Variants in TLE3 observed in about 807,000 individuals in gnomAD.
The protein encoded by TLE3 is TLE family member 3, transcriptional corepressor, also known as transducin-like enhancer protein 3.
Under a neutral mutation model 93.0 loss-of-function variants are expected in TLE3, and 14 were observed. The ratio of observed to expected loss-of-function variants is 0.15; its 90% confidence interval spans 0.10 to 0.24. The LOEUF (loss-of-function observed/expected upper bound fraction) is 0.24. Ranked by LOEUF, TLE3 falls within the 10% of genes least tolerant of loss-of-function variation. The pLI, the probability that TLE3 is intolerant of heterozygous loss-of-function variation, is 1.00. For missense variants in TLE3, 693 were observed against 1,046.6 expected (o/e 0.66, Z 4.66); for synonymous variants, 451 against 425.0 (o/e 1.06, Z -0.75).
At chr15:70,067,614 T>C (rs564427792) in intron 6 of TLE3, among the ~76,000 whole-genome samples, 1 of 152,160 alleles carries the variant, frequency 6.6e-6, no homozygotes, top group South Asian at 2.1e-4. Context: ...CGCCTGTCAA[T>C]ATGAGATGGT....
At chr15:70,094,220 C>T (rs1262199165) in intron 4 of TLE3, among the ~76,000 whole-genome samples, 2 of 151,932 alleles carry the variant, frequency 1.3e-5, no homozygotes, top group Admixed American at 6.6e-5. Flanking sequence ...AGCAGCCAGC[C>T]ACCTCTGGGC....
At chr15:70,060,172 T>C (rs1380618540) in intron 9 of TLE3, among the ~76,000 whole-genome samples, 4 of 152,170 alleles carry the variant, frequency 2.6e-5, no homozygotes, top group Admixed American at 6.5e-5. Context: ...GAGAGGACTA[T>C]AGGGTCCACA....
chr15:70,095,670 C>A, intron 2 of TLE3, 29 bp from the exon 3 acceptor site: 1 of 1,550,606 alleles, frequency 6.4e-7, no homozygotes, highest in Non-Finnish European at 8.7e-7. Flanking sequence ...CCGGCTCAGG[C>A]GTGGCGCCTG....
intron 4 of TLE3, among the ~76,000 whole-genome samples, chr15:70,093,119 T>C (rs1325763554): frequency 1.3e-5 from 2 of 152,192 alleles, no homozygotes; most frequent in East Asian, 3.8e-4. Context: ...CAAGGAGAAA[T>C]ATCTTTACGT....
intron 6 of TLE3, among the ~76,000 whole-genome samples, chr15:70,073,202 G>C (rs1764603067): frequency 6.6e-6 from 1 of 152,158 alleles, no homozygotes; most frequent in Admixed American, 6.5e-5. Context: ...CAGCATTCCT[G>C]GTAGGAGTCA....
Position 70,048,892 on chromosome 15 carries a change from G to T in TLE3, c.*1205C>A, listed in dbSNP as rs147381770. 9.2e-5 allele frequency: 14 copies of T among 152,066 alleles called. No individual in the cohort carries two copies. In the East Asian group the frequency reaches 2.1e-3, roughly 23 times the overall value. 9.4% of individuals were successfully genotyped at this position (152,066 alleles called of 1,614,324 possible). A position where few individuals can be genotyped will look rare whatever the true frequency, so the allele number is the denominator to read the frequency against. On this transcript the variant is annotated 3_prime_UTR_variant, in exon 20 of 20. Coordinates refer to ENST00000451782, the MANE Select transcript of TLE3 (RefSeq NM_001105192.3). ...ATCCTCTTTTCAGACTCACAACCCT[G>T]TAGGTTTATACACTTTCCCCCCTCT...
Position 70,097,085 on chromosome 15 carries a change from T to C in TLE3, c.-287A>G. On this transcript the variant is annotated 5_prime_UTR_variant, in exon 1 of 20. Transcript: ENST00000451782. ...GCTCGGCGGGCAGCGGCCGGCCGCCTTCCCTGGGCTGCGTCGAGCGCGTCA... is the reference window on the plus strand; with the variant it reads ...GCTCGGCGGGCAGCGGCCGGCCGCCCTCCCTGGGCTGCGTCGAGCGCGTCA... 1 of 481,898 alleles carries C rather than the reference T, an allele frequency of 2.1e-6. No individual in the cohort carries two copies. Among genetic ancestry groups the C allele is most frequent in the East Asian group, 3.6e-5 (1 of 27,830 alleles). 29.9% of individuals were successfully genotyped at this position (481,898 alleles called of 1,614,324 possible). A position where few individuals can be genotyped will look rare whatever the true frequency, so the allele number is the denominator to read the frequency against.
At chr15:70,057,698 A>C (rs1433259395) in intron 12 of TLE3, 40 bp from the exon 13 acceptor site, 2 of 1,539,732 alleles carry the variant, frequency 1.3e-6, no homozygotes, top group Non-Finnish European at 1.7e-6. Flanking sequence ...CCTTAGGTGG[A>C]TTGGGACATG....
chr15:70,071,942 G>A (rs943986195), intron 6 of TLE3, among the ~76,000 whole-genome samples: 60 of 152,156 alleles, frequency 3.9e-4, no homozygotes, highest in African/African-American at 1.3e-3. Context: ...GATAAAGAAC[G>A]CCCTGACTAG....
At chr15:70,052,832 A>T (rs1462993530) in intron 17 of TLE3, 1 of 306,784 alleles carries the variant, frequency 3.3e-6, no homozygotes, top group Non-Finnish European at 6.0e-6. Flanking sequence ...GCAAATAAGA[A>T]ATAATAATCC....
Position 70,097,001 on chromosome 15 carries a change from G to A in TLE3, c.-203C>T. On this transcript the variant is annotated 5_prime_UTR_variant, in exon 1 of 20. Coordinates refer to ENST00000451782, the MANE Select transcript of TLE3 (RefSeq NM_001105192.3). ...GGAGACAAAGAGCCGCGGAGCAGGC[G>A]GCAAAGTCGTCGGCGGGCGCCGGGG... The A allele has an allele frequency of 1.5e-6, 1 of 653,502 alleles. No homozygotes were observed. The highest frequency in any genetic ancestry group is 2.6e-6 in the Non-Finnish European group (1 of 383,880). 40.5% of individuals were successfully genotyped at this position (653,502 alleles called of 1,614,324 possible).
At chr15:70,067,626 T>G (rs2056893140) in intron 6 of TLE3, among the ~76,000 whole-genome samples, 1 of 152,190 alleles carries the variant, frequency 6.6e-6, no homozygotes, top group African/African-American at 2.4e-5. Context: ...TGAGATGGTT[T>G]TCTGGCAACC....
chr15:70,074,526 C>G lies in TLE3; in HGVS notation c.372+7G>C. ...ACGGTAAGAGGCAGATTGGGGAGTC[C>G]ACGTACCCCGATGATGGCGTTCAGC... On this transcript the variant is annotated splice_region_variant and intron_variant, in intron 6 of 19. Coordinates refer to ENST00000451782, the MANE Select transcript of TLE3 (RefSeq NM_001105192.3). 6.2e-7 allele frequency: 1 copy of G among 1,610,784 alleles called. No homozygotes were observed. Among genetic ancestry groups the G allele is most frequent in the Non-Finnish European group, 8.5e-7 (1 of 1,178,482 alleles).
intron 6 of TLE3, among the ~76,000 whole-genome samples, chr15:70,067,845 G>A (rs2056906739): frequency 6.6e-6 from 1 of 152,236 alleles, no homozygotes; most frequent in African/African-American, 2.4e-5. Context: ...TGAAAGGCTG[G>A]CACTGCGGCC....
At chr15:70,079,599 T>A (rs143607647) in intron 4 of TLE3, 1 of 358,654 alleles carries the variant, frequency 2.8e-6, no homozygotes, top group African/African-American at 2.3e-5. Context: ...TGCCCAACCC[T>A]GAGAATGGGC....
chr15:70,087,305 C>G (rs779821394), intron 4 of TLE3, among the ~76,000 whole-genome samples: 1 of 152,222 alleles, frequency 6.6e-6, no homozygotes, highest in Non-Finnish European at 1.5e-5. Flanking sequence ...GTCATCTTCA[C>G]ACCCCAAGCT....
In TLE3 at chr15:70,081,855, C is replaced by T. The variant is rs151025643; in HGVS notation, c.235-5697G>A. Among the ~76,000 whole-genome samples the T allele has an allele frequency of 2.2e-4, 33 of 152,306 alleles. No homozygotes were observed. In the East Asian group the frequency reaches 6.2e-3, roughly 28 times the overall value. On this transcript the variant is annotated intron_variant, in intron 4 of 19. Coordinates refer to ENST00000451782, the MANE Select transcript of TLE3 (RefSeq NM_001105192.3). ...ACATTGCAAAGCCATGGGGAAGTGA[C>T]GATTTTCATCCCAGCAGGCCTCTGG...
rs549713231 is a variant in TLE3 at position 70,097,790 on chromosome 15, A to G, written c.-992T>C. ...AAACACACACACCCAACACACACAC[A>G]CGCGCGCACGCACACACACACACAC... On this transcript the variant is annotated 5_prime_UTR_variant, in exon 1 of 20. Coordinates refer to ENST00000451782, the MANE Select transcript of TLE3 (RefSeq NM_001105192.3). 6.9e-4 allele frequency: 249 copies of G among 361,844 alleles called. 1 individual carries two copies. The East Asian group carries it at 7.4e-3, about 11-fold the overall frequency. The allele number at this position is 361,844 out of a possible 1,614,324, so 22.4% of individuals were successfully genotyped here.
rs181723979 is a variant in TLE3, at chr15:70,084,695, C to T, written c.235-8537G>A. On this transcript the variant is annotated intron_variant, in intron 4 of 19. Transcript: ENST00000451782. ...GAGCAAGTTACTCAACCTCTTTAAC[C>T]GTCAGTGCTGCTATCTGATGCGTGG... 7.8e-3 allele frequency among the ~76,000 whole-genome samples: 1,195 copies of T among 152,304 alleles called. 11 individuals are homozygous for T. The highest frequency in any genetic ancestry group is 0.02 in the Middle Eastern group (6 of 294).
Sources: gnomAD v4.1 joint callset for allele counts (sites outside exome capture counted in the v4.1 genomes callset) on GRCh38, gnomAD v4.1.1 for gene constraint, MANE v1.5 for transcripts, NCBI Gene and HGNC (gene_info 2026-07-23, HGNC 2026-07-21) for gene names.